The following FSTL4 variants were observed in gnomAD, a reference collection of about 807,000 sequenced individuals.
FSTL4 encodes follistatin like 4, also known as follistatin-related protein 4.
A neutral mutation model predicts 78.2 loss-of-function variants in FSTL4; 28 were observed. The ratio of observed to expected loss-of-function variants is 0.36; its 90% CI spans 0.27 to 0.49. The LOEUF (loss-of-function observed/expected upper bound fraction) is 0.49. Ranked by LOEUF, FSTL4 falls within the 20% of genes least tolerant of loss-of-function variation. The probability of loss-of-function intolerance (pLI) is 0.98; values close to 1 mark genes in which losing one functional copy is unlikely to be tolerated. For missense variants in FSTL4, 922 were observed against 1,084.9 expected (o/e 0.85, Z 2.11); for synonymous variants, 422 against 440.5 (o/e 0.96, Z 0.53).
the FSTL4 span, among the ~76,000 whole-genome samples, chr5:133,669,357 C>T: frequency 4.6e-5 from 7 of 152,302 alleles, no homozygotes; most frequent in South Asian, 6.2e-4. Flanking sequence ...CCCTGCACCC[C>T]GGGGGCTCAT....
At chr5:133,275,337 A>T (rs753706886) in intron 6 of FSTL4, among the ~76,000 whole-genome samples, 2 of 152,080 alleles carry the variant, frequency 1.3e-5, no homozygotes, top group African/African-American at 2.4e-5. Context: ...AGACAGGCAG[A>T]TCATCTGAGG....
chr5:133,533,684 A>T (rs1759298159), intron 3 of FSTL4, among the ~76,000 whole-genome samples: 1 of 152,194 alleles, frequency 6.6e-6, no homozygotes, highest in Non-Finnish European at 1.5e-5. Flanking sequence ...CCTAGTGAGG[A>T]GCGGAACAAA....
chr5:133,716,514 A>G, the FSTL4 span, among the ~76,000 whole-genome samples: 2 of 152,136 alleles, frequency 1.3e-5, no homozygotes, highest in African/African-American at 4.8e-5. Flanking sequence ...CTGTGTTTTA[A>G]GCTTCCCTGC....
the FSTL4 span, among the ~76,000 whole-genome samples, chr5:133,683,476 GA>G: frequency 6.6e-6 from 1 of 151,952 alleles, no homozygotes; most frequent in Non-Finnish European, 1.5e-5. Context: ...TTTTAATTGA[GA>G]AAAAAATCCT....
chr5:133,387,101 T>G (rs893264760), intron 4 of FSTL4, among the ~76,000 whole-genome samples: 1 of 152,158 alleles, frequency 6.6e-6, no homozygotes, highest in Non-Finnish European at 1.5e-5. Context: ...CAAAGCTGCA[T>G]GAAGTCTTTC....
intron 3 of FSTL4, among the ~76,000 whole-genome samples, chr5:133,489,511 G>T (rs1238152882): frequency 6.6e-6 from 1 of 152,138 alleles, no homozygotes; most frequent in Non-Finnish European, 1.5e-5. Context: ...CTATCTAGAA[G>T]GTTCTGCTAG....
chr5:133,619,852 G>C, the FSTL4 span, among the ~76,000 whole-genome samples: 1 of 152,164 alleles, frequency 6.6e-6, no homozygotes, highest in African/African-American at 2.4e-5. Flanking sequence ...TTTTGGTGTA[G>C]TATATAACAA....
intron 6 of FSTL4, among the ~76,000 whole-genome samples, chr5:133,276,799 A>G (rs2126854312): frequency 6.6e-6 from 1 of 152,312 alleles, no homozygotes; most frequent in South Asian, 2.1e-4. Flanking sequence ...AATTTTCCCA[A>G]ACTGGAAACA....
chr5:133,834,475 A>G, the FSTL4 span, among the ~76,000 whole-genome samples: 2 of 149,966 alleles, frequency 1.3e-5, no homozygotes. Context: ...GCCATTAAAG[A>G]TAATGCTGCC....
At chr5:133,315,276 C>T (rs1753877319) in intron 5 of FSTL4, among the ~76,000 whole-genome samples, 1 of 152,204 alleles carries the variant, frequency 6.6e-6, no homozygotes, top group African/African-American at 2.4e-5. Flanking sequence ...CACAGCGAAA[C>T]GACATTGTCT....
At chr5:133,260,127 G>A (rs1038374612) in intron 6 of FSTL4, among the ~76,000 whole-genome samples, 2 of 152,190 alleles carry the variant, frequency 1.3e-5, no homozygotes, top group African/African-American at 4.8e-5. Context: ...CTGGGTCCCC[G>A]TCGTCCCAAG....
intron 4 of FSTL4, among the ~76,000 whole-genome samples, chr5:133,347,505 C>T (rs1754722568): frequency 6.6e-6 from 1 of 152,096 alleles, no homozygotes; most frequent in African/African-American, 2.4e-5. Flanking sequence ...TGCCACCATG[C>T]CTGGTTAATT....
Position 133,418,435 on chromosome 5 carries a change from G to T in FSTL4, c.161-17449C>A, listed in dbSNP as rs1188062390. Among the ~76,000 whole-genome samples the T allele has an allele frequency of 5.3e-5, 8 of 151,640 alleles. No homozygotes were observed. The South Asian group carries it at 8.5e-4, about 16-fold the overall frequency. On this transcript the variant is annotated intron_variant, in intron 3 of 15. Transcript: ENST00000265342. ...GAAGTCTCAATATATCTAAGATGTG[G>T]ATTCTTCCTAAATTTACCTACAGAT...
chr5:133,557,342 G>A (rs1050922582), intron 3 of FSTL4, among the ~76,000 whole-genome samples: 3 of 152,182 alleles, frequency 2.0e-5, no homozygotes, highest in African/African-American at 7.2e-5. Context: ...AATCCTTTTA[G>A]GGGTGGAGAG....
At chr5:133,219,418 C>CT in intron 12 of FSTL4, among the ~76,000 whole-genome samples, 1 of 152,206 alleles carries the variant, frequency 6.6e-6, no homozygotes, top group Non-Finnish European at 1.5e-5. Flanking sequence ...TCTAAAGCTA[C>CT]TTAGTCTACA....
At chr5:133,759,275 A>T in the FSTL4 span, among the ~76,000 whole-genome samples, 110 of 152,374 alleles carry the variant, frequency 7.2e-4, no homozygotes, top group Admixed American at 3.2e-3. Flanking sequence ...TCAGACTGGC[A>T]GAGGTTAAAA....
chr5:133,636,185 A>C, the FSTL4 span, among the ~76,000 whole-genome samples: 1 of 152,212 alleles, frequency 6.6e-6, no homozygotes. Flanking sequence ...CAAGACCAAG[A>C]ATCAAAGACC....
chr5:133,223,848 A>T lies in FSTL4; in HGVS notation c.1339+342T>A, dbSNP rs6892567. ...ATCTACAACTTGTTTTGTCTTTTTA[A>T]AACCACACAAGATAGGCAAAACACT... On this transcript the variant is annotated intron_variant, in intron 11 of 15. Coordinates refer to ENST00000265342, the MANE Select transcript of FSTL4 (RefSeq NM_015082.2). Among the ~76,000 whole-genome samples the T allele has an allele frequency of 9.2e-3, 1,394 of 152,242 alleles. 21 individuals are homozygous for T. The highest frequency in any genetic ancestry group is 0.032 in the African/African-American group (1,332 of 41,504).
At chr5:133,516,544 T>C (rs1340866833) in intron 3 of FSTL4, among the ~76,000 whole-genome samples, 1 of 152,166 alleles carries the variant, frequency 6.6e-6, no homozygotes, top group African/African-American at 2.4e-5. Flanking sequence ...AATAGGAAAA[T>C]TCAGGATTGT....
Sources: gnomAD v4.1 joint callset for allele counts (sites outside exome capture counted in the v4.1 genomes callset) on GRCh38, gnomAD v4.1.1 for gene constraint, MANE v1.5 for transcripts, NCBI Gene and HGNC (gene_info 2026-07-23, HGNC 2026-07-21) for gene names.